ASCC3: variants seen among roughly 807,000 people sequenced by gnomAD.
ASCC3 encodes activating signal cointegrator 1 complex subunit 3.
ASCC3 carries 158 observed loss-of-function variants against 256.3 expected under a neutral mutation model. The observed-to-expected ratio is 0.62, with a 90% CI of 0.54 to 0.70. The LOEUF is 0.70. Ranked by LOEUF, ASCC3 falls within the 30% of genes least tolerant of loss-of-function variation. ASCC3 has a pLI of 0.00. For missense variants in ASCC3, 2,259 were observed against 2,626.0 expected (o/e 0.86, Z 3.05); for synonymous variants, 948 against 883.4 (o/e 1.07, Z -1.30).
intron 3 of ASCC3, among the ~76,000 whole-genome samples, chr6:100,853,420 C>CTTTT (rs11299576): frequency 2.3e-5 from 3 of 127,668 alleles, no homozygotes; most frequent in Non-Finnish European, 5.0e-5. Flanking sequence ...ATAAATATTC[C>CTTTT]TTTTTTTTTT....
rs1487796961 is a variant in ASCC3 at position 100,590,009 on chromosome 6, G to A, written c.5354C>T (p.Ser1785Phe). Residue 1785 changes from serine to phenylalanine, a missense_variant, in exon 35 of 42, where the codon TCC (serine) becomes TTC (phenylalanine). Coordinates refer to ENST00000369162, the MANE Select transcript of ASCC3 (RefSeq NM_006828.4). ...AATCAGGGACTTCTCAATCAGATGG[G>A]ACAGAAACTTGTTCACAGAATCATG... ...VSHDSVNKFLSHLIEKSLIEL... is the reference protein window; with the variant it reads ...VSHDSVNKFLFHLIEKSLIEL... 6.2e-7 allele frequency: 1 copy of A among 1,613,470 alleles called. No homozygotes were observed. Among genetic ancestry groups the A allele is most frequent in the Admixed American group, 1.7e-5 (1 of 59,942 alleles).
chr6:100,756,230 G>A (rs12195369), intron 10 of ASCC3, among the ~76,000 whole-genome samples: 63,059 of 150,752 alleles, frequency 0.42, 13,715 homozygotes, highest in South Asian at 0.6. Flanking sequence ...TTCTTTGTAC[G>A]ACAAGTTAAA....
chr6:100,656,170 A>T (rs995292330), intron 16 of ASCC3, among the ~76,000 whole-genome samples: 2 of 151,578 alleles, frequency 1.3e-5, no homozygotes, highest in African/African-American at 4.8e-5. Context: ...ATTTTATGTG[A>T]CTACACTGCT....
At chr6:100,782,035 G>A (rs1391347570) in intron 8 of ASCC3, among the ~76,000 whole-genome samples, 1 of 151,890 alleles carries the variant, frequency 6.6e-6, no homozygotes, top group East Asian at 1.9e-4. Context: ...TTATTTCTAA[G>A]AGACTTTATA....
chr6:100,792,786 T>A (rs945056948), intron 8 of ASCC3, among the ~76,000 whole-genome samples: 1 of 152,040 alleles, frequency 6.6e-6, no homozygotes, highest in African/African-American at 2.4e-5. Flanking sequence ...AAACTGTTTT[T>A]AAAATTGCAC....
intron 37 of ASCC3, among the ~76,000 whole-genome samples, chr6:100,532,195 T>C (rs1774910553): frequency 6.6e-6 from 1 of 151,166 alleles, no homozygotes; most frequent in Admixed American, 6.6e-5. Context: ...TCACTGTGGT[T>C]GCCAAATATT....
chr6:100,799,141 G>T (rs77528789), intron 7 of ASCC3, among the ~76,000 whole-genome samples: 1 of 151,852 alleles, frequency 6.6e-6, no homozygotes, highest in African/African-American at 2.4e-5. Flanking sequence ...ATATAATTAG[G>T]AAAATGTACA....
intron 26 of ASCC3, among the ~76,000 whole-genome samples, chr6:100,629,903 T>G (rs2114863678): frequency 6.6e-6 from 1 of 152,222 alleles, no homozygotes; most frequent in East Asian, 1.9e-4. Flanking sequence ...TTTCTTTTCT[T>G]TCTTTTTTTT....
At chr6:100,820,757 C>T (rs1039674472) in intron 4 of ASCC3, among the ~76,000 whole-genome samples, 1 of 151,408 alleles carries the variant, frequency 6.6e-6, no homozygotes, top group Non-Finnish European at 1.5e-5. Flanking sequence ...GGTGTGCATC[C>T]AAAATATACA....
intron 33 of ASCC3, among the ~76,000 whole-genome samples, chr6:100,603,197 T>C (rs1582537959): frequency 6.6e-6 from 1 of 152,022 alleles, no homozygotes; most frequent in African/African-American, 2.4e-5. Flanking sequence ...TGAAATACTA[T>C]GTAATACATA....
At chr6:100,623,284 T>C (rs1006812551) in intron 30 of ASCC3, among the ~76,000 whole-genome samples, 1 of 152,134 alleles carries the variant, frequency 6.6e-6, no homozygotes, top group African/African-American at 2.4e-5. Flanking sequence ...TAACATTAAG[T>C]AAATAAAGAT....
At chr6:100,839,223 A>T (rs1296589725) in intron 4 of ASCC3, among the ~76,000 whole-genome samples, 1 of 152,134 alleles carries the variant, frequency 6.6e-6, no homozygotes, top group Non-Finnish European at 1.5e-5. Flanking sequence ...GGAGAGACTT[A>T]AGAAAGCAAG....
intron 8 of ASCC3, among the ~76,000 whole-genome samples, chr6:100,767,770 G>A (rs962136270): frequency 5.3e-5 from 7 of 132,256 alleles, no homozygotes; most frequent in Admixed American, 3.0e-4. Context: ...CACCATGCCC[G>A]GCTAATTTTT....
intron 4 of ASCC3, among the ~76,000 whole-genome samples, chr6:100,822,170 T>C (rs1046313849): frequency 3.3e-5 from 5 of 152,220 alleles, no homozygotes; most frequent in Non-Finnish European, 5.9e-5. Context: ...TTGTATGTTA[T>C]GTGAACTATG....
At chr6:100,519,065 AAAT>A (rs1774175100) in intron 37 of ASCC3, among the ~76,000 whole-genome samples, 1 of 152,156 alleles carries the variant, frequency 6.6e-6, no homozygotes, top group African/African-American at 2.4e-5. Flanking sequence ...GGACTTTTAG[AAAT>A]AATTTTTAAG....
chr6:100,828,059 C>A, intron 4 of ASCC3, among the ~76,000 whole-genome samples: 1 of 137,728 alleles, frequency 7.3e-6, no homozygotes, highest in African/African-American at 2.6e-5. Context: ...ACAATTTAAC[C>A]ACTTGGATAT....
chr6:100,635,643 CTG>C (rs758128326), intron 25 of ASCC3, among the ~76,000 whole-genome samples: 1 of 152,062 alleles, frequency 6.6e-6, no homozygotes, highest in Non-Finnish European at 1.5e-5. Context: ...ATTAGCTTGA[CTG>C]TAGTAATCAC....
chr6:100,715,559 A>T, intron 12 of ASCC3, 26 bp from the exon 13 acceptor site: 19 of 1,573,410 alleles, frequency 1.2e-5, no homozygotes, highest in Non-Finnish European at 1.6e-5. Flanking sequence ...ACATAAAAAA[A>T]ATCATGTGAA....
intron 14 of ASCC3, among the ~76,000 whole-genome samples, chr6:100,676,194 A>AGT (rs1166991226): frequency 6.6e-6 from 1 of 152,142 alleles, no homozygotes; most frequent in Non-Finnish European, 1.5e-5. Context: ...TTTAGTTACT[A>AGT]GTATATATAT....
Sources: gnomAD v4.1 joint callset for allele counts (sites outside exome capture counted in the v4.1 genomes callset) on GRCh38, gnomAD v4.1.1 for gene constraint, MANE v1.5 for transcripts, NCBI Gene and HGNC (gene_info 2026-07-23, HGNC 2026-07-21) for gene names.